The following SATB1 variants were observed in gnomAD, a reference collection of about 807,000 sequenced individuals.
SATB1 encodes the protein DNA-binding protein SATB1.
SATB1 carries 11 observed loss-of-function variants against 86.9 expected under a neutral mutation model. The ratio of observed to expected loss-of-function variants is 0.13; its 90% CI spans 0.08 to 0.21. The LOEUF (loss-of-function observed/expected upper bound fraction) is 0.21, where lower values mean the gene tolerates loss of function less well. Ranked by LOEUF, SATB1 falls within the 10% of genes least tolerant of loss-of-function variation. SATB1 has a pLI of 1.00. For missense variants in SATB1, 551 were observed against 937.6 expected, an observed-to-expected ratio of 0.59 and a Z score of 5.39; for synonymous variants, 357 against 357.2, an observed-to-expected ratio of 1.00 and a Z score of 0.01.
At chr3:18,390,097 A>G (rs892578906) in intron 7 of SATB1, among the ~76,000 whole-genome samples, 2 of 152,026 alleles carry the variant, frequency 1.3e-5, no homozygotes, top group African/African-American at 2.4e-5. Flanking sequence ...GAAAGAAAAA[A>G]CCTCCAATAA....
chr3:18,370,361 C>T (rs572865871), intron 9 of SATB1, among the ~76,000 whole-genome samples: 49 of 151,968 alleles, frequency 3.2e-4, no homozygotes, highest in African/African-American at 1.1e-3. Context: ...TTTCAATTCC[C>T]CTTTCCCTCT....
intron 2 of SATB1, among the ~76,000 whole-genome samples, chr3:18,431,310 C>T (rs764721258): frequency 6.6e-6 from 1 of 152,150 alleles, no homozygotes; most frequent in Non-Finnish European, 1.5e-5. Context: ...CAGTCCGAAG[C>T]CTTCTCCAGT....
chr3:18,394,377 T>A lies in SATB1; in HGVS notation c.1206+85A>T. On this transcript the variant is annotated intron_variant, in intron 7 of 10. Coordinates refer to ENST00000338745, the MANE Select transcript of SATB1 (RefSeq NM_002971.6). The surrounding 1 kb of genome is among the most constrained non-coding windows in gnomAD (Gnocchi z 5.9). ...GAGAGAGAAAATGTTAGTACAGAAG[T>A]AAAAGAATAAACTTTAGTTATAGAT... The A allele has an allele frequency of 8.8e-7, 1 of 1,133,612 alleles. No homozygotes were observed. The highest frequency in any genetic ancestry group is 1.6e-5 in the African/African-American group (1 of 64,456). The allele number at this position is 1,133,612 out of a possible 1,614,324, so 70.2% of individuals were successfully genotyped here. A position where few individuals can be genotyped will look rare whatever the true frequency, so the allele number is the denominator to read the frequency against.
chr3:18,430,667 T>G (rs575667374), intron 2 of SATB1, among the ~76,000 whole-genome samples: 1 of 152,318 alleles, frequency 6.6e-6, no homozygotes, highest in Admixed American at 6.5e-5. Context: ...AGCTTCAAAA[T>G]GTTGCAGGCG....
rs763000320 is a variant in SATB1, at chr3:18,351,299, CTG to C, written c.1779+691_1779+692del. 2.4e-5 allele frequency: 37 copies of C among 1,537,686 alleles called. 1 individual carries two copies. The South Asian group carries it at 4.4e-4, about 18-fold the overall frequency. On this transcript the variant is annotated intron_variant, in intron 10 of 10. Transcript: ENST00000338745. ...CTGTGTCCCTTGGTGGCATAGGTAA[CTG>C]TGCCCGCTCACCTGAGGAGCAGCAC...
chr3:18,365,623 G>A (rs1328624687), intron 9 of SATB1, among the ~76,000 whole-genome samples: 2 of 152,184 alleles, frequency 1.3e-5, no homozygotes, highest in African/African-American at 4.8e-5. Flanking sequence ...CAAAGAAGGT[G>A]AGTAGAAAAG....
Position 18,359,816 on chromosome 3 carries a change from C to A in SATB1, c.1576-7621G>T, listed in dbSNP as rs761866652. On this transcript the variant is annotated intron_variant, in intron 9 of 10. Coordinates refer to ENST00000338745, the MANE Select transcript of SATB1 (RefSeq NM_002971.6). ...TCATAGCTGGTATCATTAAAAAAAA[C>A]AGAAAACTCAGTACTCCGAAGGTTC... Among the ~76,000 whole-genome samples the A allele has an allele frequency of 2.0e-5, 3 of 151,630 alleles. No homozygotes were observed. In the South Asian group the frequency reaches 6.2e-4, roughly 32 times the overall value.
At chr3:18,393,666 C>T (rs2125113867) in intron 7 of SATB1, among the ~76,000 whole-genome samples, 1 of 152,276 alleles carries the variant, frequency 6.6e-6, no homozygotes, top group South Asian at 2.1e-4. Flanking sequence ...GCCTGCCAGC[C>T]ACACTTACTC....
In SATB1 at chr3:18,349,134, C is replaced by T. The variant is rs777517042; in HGVS notation, c.*36G>A. 6.9e-6 allele frequency: 11 copies of T among 1,596,102 alleles called. No homozygotes were observed. Among genetic ancestry groups the T allele is most frequent in the Non-Finnish European group, 9.4e-6 (11 of 1,170,260 alleles). On this transcript the variant is annotated 3_prime_UTR_variant, in exon 11 of 11. Coordinates refer to ENST00000338745, the MANE Select transcript of SATB1 (RefSeq NM_002971.6). This position sits in a 1 kb window ranked among gnomAD's most constrained non-coding sequence, Gnocchi z 5.5. ...GGACTTTTCATTTTGTTAGTAAATA[C>T]CAGTGGCACTGTTGAACGAAACAAA...
At chr3:18,437,552 C>G (rs890068932) in intron 1 of SATB1, among the ~76,000 whole-genome samples, 3 of 152,054 alleles carry the variant, frequency 2.0e-5, no homozygotes, top group Non-Finnish European at 4.4e-5. Context: ...GTCTACTGCT[C>G]TAATAACACT....
rs1698574118 is a variant in SATB1 at position 18,424,580 on chromosome 3, G to GGGGGGA, written c.-984_-979dup. On this transcript the variant is annotated 5_prime_UTR_variant, in exon 1 of 11. Coordinates refer to ENST00000338745, the MANE Select transcript of SATB1 (RefSeq NM_002971.6). ...CAGCAAGTGAGGAGAGAAGAGGTTC[G>GGGGGGA]GGGGGAGGGGGAGGAGGAGGAAGAT... 6.6e-6 allele frequency: 1 copy of GGGGGGA among 152,094 alleles called. No homozygotes were observed. Among genetic ancestry groups the GGGGGGA allele is most frequent in the African/African-American group, 2.4e-5 (1 of 41,318 alleles). The allele number at this position is 152,094 out of a possible 1,614,324, so 9.4% of individuals were successfully genotyped here. A position where few individuals can be genotyped will look rare whatever the true frequency, so the allele number is the denominator to read the frequency against.
Position 18,349,698 on chromosome 3 carries a change from G to A in SATB1, c.1780-16C>T. ...GCTGCTGTTGCTGCAAAGAAACAAGGAGACAATCAGAGCTCTGCTATCGTG... is the reference window on the plus strand; with the variant it reads ...GCTGCTGTTGCTGCAAAGAAACAAGAAGACAATCAGAGCTCTGCTATCGTG... On this transcript the variant is annotated splice_polypyrimidine_tract_variant and intron_variant, in intron 10 of 10. Coordinates refer to ENST00000338745, the MANE Select transcript of SATB1 (RefSeq NM_002971.6). The surrounding 1 kb of genome is among the most constrained non-coding windows in gnomAD (Gnocchi z 5.5). 2 of 1,576,938 alleles carry A rather than the reference G, an allele frequency of 1.3e-6. No individual in the cohort carries two copies. Among genetic ancestry groups the A allele is most frequent in the Non-Finnish European group, 1.7e-6 (2 of 1,162,404 alleles).
chr3:18,369,189 G>T (rs1355410533), intron 9 of SATB1, among the ~76,000 whole-genome samples: 1 of 148,552 alleles, frequency 6.7e-6, no homozygotes, highest in African/African-American at 2.5e-5. Context: ...AAGAAAAGCT[G>T]TCCTTTAGAA....
At chr3:18,378,760 A>C (rs1695895343) in intron 8 of SATB1, among the ~76,000 whole-genome samples, 1 of 152,200 alleles carries the variant, frequency 6.6e-6, no homozygotes. Context: ...TAGCTATTAC[A>C]TACTATGGCC....
upstream of SATB1, among the ~76,000 whole-genome samples, chr3:18,440,569 G>A (rs1004695643): frequency 2.0e-5 from 3 of 152,098 alleles, no homozygotes; most frequent in Non-Finnish European, 4.4e-5. Context: ...TCAGTTTAAT[G>A]CAGCGTAAAT....
chr3:18,394,826 T>G lies in SATB1; in HGVS notation c.842A>C (p.Gln281Pro), dbSNP rs1479266221. Residue 281 changes from glutamine (Q) to proline (P), a missense_variant, in exon 7 of 11, where the codon CAG becomes CCG. Coordinates refer to ENST00000338745, the MANE Select transcript of SATB1 (RefSeq NM_002971.6). The surrounding 1 kb of genome is among the most constrained non-coding windows in gnomAD (Gnocchi z 5.9). ...GGAGAGCTGCGCAGGGGATGGAGGC[T>G]GCTCGGCTGTGTTCCCTGGAACTGG... Reference protein sequence around the residue: ...QQPVPGNTAEQPPSPAQLSHG... With the variant: ...QQPVPGNTAEPPPSPAQLSHG... 1.2e-6 allele frequency: 2 copies of G among 1,614,004 alleles called. No individual in the cohort carries two copies. Among genetic ancestry groups the G allele is most frequent in the Non-Finnish European group, 1.7e-6 (2 of 1,180,010 alleles).
chr3:18,425,146 TGCTGCC>T lies in SATB1; in HGVS notation c.-1550_-1545del. 1.7e-5 allele frequency: 3 copies of T among 176,054 alleles called. No homozygotes were observed. The highest frequency in any genetic ancestry group is 3.5e-5 in the Non-Finnish European group (3 of 85,922). The allele number at this position is 176,054 out of a possible 1,614,324, so 10.9% of individuals were successfully genotyped here. A position where few individuals can be genotyped will look rare whatever the true frequency, so the allele number is the denominator to read the frequency against. The stretch of plus-strand genomic sequence containing the variant: ...CCCTCTCCGCCGCTGCTCCTGCTGC[TGCTGCC>T]GCCGCCGCCGCCGCTGCCGCTGTGG... On this transcript the variant is annotated 5_prime_UTR_variant, in exon 1 of 11. Transcript: ENST00000338745.
chr3:18,438,442 G>C (rs922626969), intron 1 of SATB1: 5 of 152,136 alleles, frequency 3.3e-5, no homozygotes, highest in Admixed American at 3.3e-4. Flanking sequence ...AAATTTTCTA[G>C]AGCTGAGAAA....
intron 8 of SATB1, among the ~76,000 whole-genome samples, chr3:18,381,640 G>A (rs1696069445): frequency 6.6e-6 from 1 of 152,186 alleles, no homozygotes; most frequent in South Asian, 2.1e-4. Flanking sequence ...TTAATTTTTA[G>A]AGCAGGCTGG....
Sources: gnomAD v4.1 joint callset for allele counts (sites outside exome capture counted in the v4.1 genomes callset) on GRCh38, gnomAD v4.1.1 for gene constraint, Gnocchi (gnomAD v3.1) non-coding constraint, MANE v1.5 for transcripts, NCBI Gene and HGNC (gene_info 2026-07-23, HGNC 2026-07-21) for gene names.